Variants in CBLN2 observed in about 807,000 individuals in gnomAD.
The protein encoded by CBLN2 is cerebellin-2.
In CBLN2, 7 loss-of-function variants were observed where a neutral mutation model predicts 15.0. That is an observed-to-expected ratio of 0.47 (90% CI 0.27 to 0.88). The LOEUF is 0.88. CBLN2 is among the 40% of genes least tolerant of loss of function. The probability of loss-of-function intolerance (pLI) is 0.14; values close to 1 mark genes in which losing one functional copy is unlikely to be tolerated. For missense variants in CBLN2, 242 were observed against 304.5 expected, an observed-to-expected ratio of 0.79 and a Z score of 1.53; for synonymous variants, 149 against 135.2, an observed-to-expected ratio of 1.10 and a Z score of -0.71.
rs113548770 is a variant in CBLN2, at chr18:72,554,977, A to G, written c.16-16205T>C. Among the ~76,000 whole-genome samples the G allele has an allele frequency of 8.6e-3, 1,306 of 152,030 alleles. 9 individuals are homozygous for G. Among genetic ancestry groups the G allele is most frequent in the Non-Finnish European group, 0.014 (965 of 67,880 alleles). Reference sequence around the variant, plus strand: ...ATGGTGAAAACCCGTCTCTATTAAAAATACAAAAATTAGCCAGCATGGTGG... The same window carrying G: ...ATGGTGAAAACCCGTCTCTATTAAAGATACAAAAATTAGCCAGCATGGTGG... On this transcript the variant is annotated intron_variant, in intron 1 of 2. Coordinates refer to the CBLN2 transcript ENST00000581073.
intron 1 of CBLN2, among the ~76,000 whole-genome samples, chr18:72,593,769 G>A (rs1001204009): frequency 6.6e-6 from 1 of 152,106 alleles, no homozygotes; most frequent in African/African-American, 2.4e-5. Flanking sequence ...TGATGATATG[G>A]TTTTTGTCCT....
intron 1 of CBLN2, among the ~76,000 whole-genome samples, chr18:72,607,918 C>A (rs2069594213): frequency 6.6e-6 from 1 of 152,126 alleles, no homozygotes; most frequent in Non-Finnish European, 1.5e-5. Context: ...CTAATCAGTA[C>A]CTTTCTGGCA....
intron 1 of CBLN2, among the ~76,000 whole-genome samples, chr18:72,615,648 C>T (rs1390205533): frequency 6.6e-6 from 1 of 152,134 alleles, no homozygotes; most frequent in Non-Finnish European, 1.5e-5. Context: ...TTTAATAATA[C>T]TGCAATACAA....
intron 1 of CBLN2, among the ~76,000 whole-genome samples, chr18:72,611,978 A>G (rs548763673): frequency 1.1e-4 from 17 of 152,284 alleles, no homozygotes; most frequent in East Asian, 9.6e-4. Context: ...TTATTCCTGC[A>G]CTATTTATTG....
At chr18:72,611,192 T>G (rs1463239674) in intron 1 of CBLN2, among the ~76,000 whole-genome samples, 1 of 152,228 alleles carries the variant, frequency 6.6e-6, no homozygotes, top group Non-Finnish European at 1.5e-5. Flanking sequence ...ACTAGTGCTG[T>G]GATGAACATA....
intron 1 of CBLN2, among the ~76,000 whole-genome samples, chr18:72,606,448 G>T (rs1217546619): frequency 6.6e-6 from 1 of 152,174 alleles, no homozygotes; most frequent in Non-Finnish European, 1.5e-5. Flanking sequence ...TAAGCCCTAA[G>T]ATATAGACAT....
At chr18:72,588,405 A>C (rs1274816931) in intron 1 of CBLN2, among the ~76,000 whole-genome samples, 1 of 152,220 alleles carries the variant, frequency 6.6e-6, no homozygotes, top group African/African-American at 2.4e-5. Context: ...CATGAAATTG[A>C]CCATCTTAAA....
chr18:72,546,661 A>G (rs536073432), upstream of CBLN2, among the ~76,000 whole-genome samples: 4 of 152,210 alleles, frequency 2.6e-5, no homozygotes, highest in Non-Finnish European at 5.9e-5. Context: ...ACAGCCATTT[A>G]TGGAACACCT....
intron 1 of CBLN2, among the ~76,000 whole-genome samples, chr18:72,562,921 T>A (rs1488433637): frequency 6.6e-6 from 1 of 152,232 alleles, no homozygotes; most frequent in African/African-American, 2.4e-5. Context: ...TGAAAGCAAG[T>A]TGCTTCTAGG....
intron 1 of CBLN2, chr18:72,552,560 G>C (rs907571662): frequency 6.6e-6 from 1 of 152,024 alleles, no homozygotes. Flanking sequence ...AAAAATAAAA[G>C]TGGAACTCAC....
At chr18:72,550,933 T>C (rs1598993938) in intron 1 of CBLN2, among the ~76,000 whole-genome samples, 1 of 152,238 alleles carries the variant, frequency 6.6e-6, no homozygotes, top group African/African-American at 2.4e-5. Flanking sequence ...GTACCTCACG[T>C]TGTTTGCAGC....
At chr18:72,608,184 C>T (rs1304403497) in intron 1 of CBLN2, among the ~76,000 whole-genome samples, 1 of 152,154 alleles carries the variant, frequency 6.6e-6, no homozygotes, top group African/African-American at 2.4e-5. Flanking sequence ...TAAACAAATC[C>T]TAGAAAGAAA....
chr18:72,635,916 AG>A, intron 1 of CBLN2, among the ~76,000 whole-genome samples: 1 of 152,306 alleles, frequency 6.6e-6, no homozygotes, highest in East Asian at 1.9e-4. Flanking sequence ...GTTTCTATAA[AG>A]GAATGCAACA....
chr18:72,562,598 A>C (rs1293253284), intron 1 of CBLN2, among the ~76,000 whole-genome samples: 1 of 152,188 alleles, frequency 6.6e-6, no homozygotes, highest in African/African-American at 2.4e-5. Context: ...AAAATTGTGG[A>C]AGATTATTTT....
chr18:72,632,264 T>C (rs1203577503), intron 1 of CBLN2, among the ~76,000 whole-genome samples: 1 of 152,136 alleles, frequency 6.6e-6, no homozygotes, highest in Non-Finnish European at 1.5e-5. Context: ...AGATTCAAAA[T>C]TTTAAATGAG....
intron 1 of CBLN2, chr18:72,619,179 G>A (rs983990319): frequency 5.1e-5 from 40 of 784,622 alleles, no homozygotes; most frequent in Non-Finnish European, 1.3e-5. Flanking sequence ...TGGCTGGGGT[G>A]GTTCCAGTAG....
At chr18:72,627,364 A>T (rs188496594) in intron 1 of CBLN2, among the ~76,000 whole-genome samples, 96 of 152,336 alleles carry the variant, frequency 6.3e-4, no homozygotes, top group African/African-American at 2.3e-3. Context: ...TTATATCTAT[A>T]TGAGGGCTTC....
rs142941151 is a variant in CBLN2 at position 72,598,936 on chromosome 18, C to T, written c.15+39389G>A. Among the ~76,000 whole-genome samples the T allele has an allele frequency of 6.7e-3, 1,016 of 152,256 alleles. 13 individuals are homozygous for T. The highest frequency in any genetic ancestry group is 0.022 in the African/African-American group (914 of 41,536). On this transcript the variant is annotated intron_variant, in intron 1 of 2. Coordinates refer to the CBLN2 transcript ENST00000581073. ...TGGTCACTTTCGGGGAATGAGAGAA[C>T]GGTGTTGTAGGCAATTCAAGGCTGC...
chr18:72,588,794 A>G (rs768512765), intron 1 of CBLN2, among the ~76,000 whole-genome samples: 6 of 152,220 alleles, frequency 3.9e-5, no homozygotes, highest in Non-Finnish European at 8.8e-5. Context: ...AACATTTTCC[A>G]GGCTGAGAGA....
Sources: gnomAD v4.1 joint callset for allele counts (sites outside exome capture counted in the v4.1 genomes callset) on GRCh38, gnomAD v4.1.1 for gene constraint, MANE v1.5 for transcripts, NCBI Gene and HGNC (gene_info 2026-07-23, HGNC 2026-07-21) for gene names.